The following TNIP3 variants were observed in gnomAD, a reference collection of about 807,000 sequenced individuals.
The protein encoded by TNIP3 is TNFAIP3 interacting protein 3.
TNIP3 carries 34 observed loss-of-function variants against 54.1 expected under a neutral mutation model. The observed-to-expected ratio is 0.63, with a 90% CI of 0.48 to 0.84. The LOEUF (loss-of-function observed/expected upper bound fraction) is 0.84, where lower values mean the gene tolerates loss of function less well. Ranked by LOEUF, TNIP3 falls within the 40% of genes least tolerant of loss-of-function variation. The probability of loss-of-function intolerance (pLI) is 0.00; values close to 1 mark genes in which losing one functional copy is unlikely to be tolerated. For synonymous variants in TNIP3, 134 were observed against 136.8 expected (o/e 0.98, Z 0.14); for missense variants, 366 against 387.6 (o/e 0.94, Z 0.47).
chr4:121,182,702 T>C, exon 3 of TNIP3: 1 of 1,534,134 alleles, frequency 6.5e-7, no homozygotes, highest in South Asian at 1.2e-5. Context: ...TTTCTGTGAG[T>C]TGGCATGGCC....
upstream of TNIP3, among the ~76,000 whole-genome samples, chr4:121,164,815 G>T (rs1040504036): frequency 1.3e-5 from 2 of 152,170 alleles, no homozygotes; most frequent in African/African-American, 4.8e-5. Flanking sequence ...GGTTAAACTT[G>T]TCTCAAGTTT....
At chr4:121,186,777 C>T (rs1725045541) in intron 2 of TNIP3, among the ~76,000 whole-genome samples, 1 of 152,086 alleles carries the variant, frequency 6.6e-6, no homozygotes, top group African/African-American at 2.4e-5. Flanking sequence ...AGTATACCAC[C>T]ATAAAGAAAA....
chr4:121,149,138 C>A (rs1227568674), intron 6 of TNIP3, among the ~76,000 whole-genome samples: 1 of 152,184 alleles, frequency 6.6e-6, no homozygotes, highest in East Asian at 1.9e-4. Flanking sequence ...GGTAGTTTAA[C>A]CAATGCAGTA....
At chr4:121,187,904 T>A (rs892787851) in intron 2 of TNIP3, among the ~76,000 whole-genome samples, 6 of 152,204 alleles carry the variant, frequency 3.9e-5, no homozygotes, top group African/African-American at 7.2e-5. Flanking sequence ...ACTACTTTTT[T>A]TGGTCTAAGA....
At chr4:121,178,977 G>A (rs890960825) in intron 3 of TNIP3, among the ~76,000 whole-genome samples, 2 of 152,218 alleles carry the variant, frequency 1.3e-5, no homozygotes, top group Non-Finnish European at 2.9e-5. Context: ...AGATAAAGAT[G>A]TAGGACAAAG....
intron 2 of TNIP3, 149 bp downstream of exon 2, chr4:121,160,987 G>C (rs570459267): frequency 2.1e-5 from 14 of 652,546 alleles, no homozygotes; most frequent in Non-Finnish European, 3.2e-5. Flanking sequence ...AAGAAAGAAG[G>C]CGTTTGCTTT....
At chr4:121,154,346 G>A (rs761816740) in intron 5 of TNIP3, 1 of 560,310 alleles carries the variant, frequency 1.8e-6, no homozygotes, top group East Asian at 3.4e-5. Context: ...AATCTTTGTA[G>A]GGACAAAAAT....
At chr4:121,216,588 G>A in exon 1 of TNIP3, 1 of 1,502,620 alleles carries the variant, frequency 6.7e-7, no homozygotes, top group Non-Finnish European at 8.8e-7. Context: ...AAAACCACCT[G>A]TTAAATGCAT....
chr4:121,145,965 A>C (rs996659943), intron 7 of TNIP3, among the ~76,000 whole-genome samples: 1 of 151,586 alleles, frequency 6.6e-6, no homozygotes, highest in African/African-American at 2.4e-5. Flanking sequence ...CAACAAGAGC[A>C]AAACACCATC....
upstream of TNIP3, among the ~76,000 whole-genome samples, chr4:121,218,089 T>C (rs1345897310): frequency 1.3e-5 from 2 of 152,144 alleles, no homozygotes; most frequent in African/African-American, 4.8e-5. Flanking sequence ...ATTTTAAGTT[T>C]GAAATAAAAT....
At chr4:121,172,178 T>C (rs868022496) in intron 3 of TNIP3, among the ~76,000 whole-genome samples, 13 of 152,192 alleles carry the variant, frequency 8.5e-5, no homozygotes, top group African/African-American at 2.9e-4. Context: ...CACACCACCA[T>C]GGTACACGGC....
At chr4:121,178,125 A>C (rs1369822814) in intron 3 of TNIP3, among the ~76,000 whole-genome samples, 2 of 152,316 alleles carry the variant, frequency 1.3e-5, no homozygotes, top group East Asian at 3.9e-4. Context: ...GAGGGAGGGA[A>C]AATTAAAAGT....
chr4:121,165,594 G>T (rs1388753251), upstream of TNIP3, among the ~76,000 whole-genome samples: 3 of 151,854 alleles, frequency 2.0e-5, no homozygotes, highest in Admixed American at 2.0e-4. Context: ...AACACATTTT[G>T]CTACATGAAT....
intron 1 of TNIP3, among the ~76,000 whole-genome samples, chr4:121,226,823 A>G (rs541119656): frequency 6.6e-6 from 1 of 152,332 alleles, no homozygotes; most frequent in South Asian, 2.1e-4. Flanking sequence ...CTTTATATTC[A>G]GAAATACATT....
intron 3 of TNIP3, among the ~76,000 whole-genome samples, chr4:121,170,163 T>C (rs551289065): frequency 6.6e-6 from 1 of 152,362 alleles, no homozygotes; most frequent in East Asian, 1.9e-4. Flanking sequence ...CTAGCACTTA[T>C]TGTAAAGCAG....
chr4:121,216,383 A>G (rs888631594), intron 2 of TNIP3: 1 of 1,480,318 alleles, frequency 6.8e-7, no homozygotes, highest in Non-Finnish European at 9.1e-7. Flanking sequence ...TTAGTATTAG[A>G]AGCATATAAT....
chr4:121,132,251 CAT>C lies in TNIP3; in HGVS notation c.*378_*379del, dbSNP rs57489234. ...ACACACACACACACACACACACACACATATGCACTTTAAATCAACATACAATA... is the reference window on the plus strand; with the variant it reads ...ACACACACACACACACACACACACACATGCACTTTAAATCAACATACAATA... On this transcript the variant is annotated 3_prime_UTR_variant, in exon 11 of 11. Coordinates refer to ENST00000057513, the MANE Select transcript of TNIP3 (RefSeq NM_024873.6). 8 of 204,778 alleles carry C rather than the reference CAT, an allele frequency of 3.9e-5. No homozygotes were observed. Among genetic ancestry groups the C allele is most frequent in the Middle Eastern group, 1.9e-3 (1 of 532 alleles). The allele number at this position is 204,778 out of a possible 1,614,324, so 12.7% of individuals were successfully genotyped here. A position where few individuals can be genotyped will look rare whatever the true frequency, so the allele number is the denominator to read the frequency against.
chr4:121,192,139 T>A (rs1286954348), intron 2 of TNIP3, among the ~76,000 whole-genome samples: 1 of 152,146 alleles, frequency 6.6e-6, no homozygotes. Flanking sequence ...TGATTCTACC[T>A]CACCAGAGTC....
Position 121,164,198 on chromosome 4 carries a change from G to C in TNIP3, c.-73C>G. On this transcript the variant is annotated 5_prime_UTR_variant, in exon 1 of 11. Coordinates refer to ENST00000057513, the MANE Select transcript of TNIP3 (RefSeq NM_024873.6). ...GAAAAGTCTCTTAAGGTATATTTTA[G>C]GGTGAGAGCAAGTATACAAAATTTA... 1 of 1,607,290 alleles carries C rather than the reference G, an allele frequency of 6.2e-7. No homozygotes were observed. Among genetic ancestry groups the C allele is most frequent in the Non-Finnish European group, 8.5e-7 (1 of 1,177,532 alleles).
Sources: allele counts gnomAD v4.1 joint callset (sites outside exome capture counted in the v4.1 genomes callset), GRCh38; gene constraint gnomAD v4.1.1; transcripts MANE v1.5; gene names NCBI Gene and HGNC (gene_info 2026-07-23, HGNC 2026-07-21).